The following CTNNA2 variants were observed in gnomAD, a reference collection of about 807,000 sequenced individuals.
CTNNA2 encodes the protein catenin alpha 2, also known as catenin alpha-2.
A neutral mutation model predicts 101.0 loss-of-function variants in CTNNA2; 42 were observed. The ratio of observed to expected loss-of-function variants is 0.42; its 90% CI spans 0.32 to 0.54. The LOEUF (loss-of-function observed/expected upper bound fraction) is 0.54. Ranked by LOEUF, CTNNA2 falls within the 20% of genes least tolerant of loss-of-function variation. The pLI is 0.14. For synonymous variants in CTNNA2, 450 were observed against 456.4 expected (o/e 0.99, Z 0.18); for missense variants, 871 against 1,223.1 (o/e 0.71, Z 4.29).
intron 5 of CTNNA2, among the ~76,000 whole-genome samples, chr2:79,873,025 C>G (rs535626061): frequency 6.6e-6 from 1 of 152,178 alleles, no homozygotes; most frequent in African/African-American, 2.4e-5. Context: ...AACAAATCAT[C>G]TTTGGCCTGT....
intron 3 of CTNNA2, among the ~76,000 whole-genome samples, chr2:79,316,520 T>C (rs1676502108): frequency 6.6e-6 from 1 of 152,076 alleles, no homozygotes; most frequent in South Asian, 2.1e-4. Context: ...AATTGGCATC[T>C]TAAAATATTA....
chr2:80,589,208 C>A, intron 14 of CTNNA2, 96 bp from the exon 15 acceptor site: 1 of 1,256,072 alleles, frequency 8.0e-7, no homozygotes. Context: ...TAAGCCTTTG[C>A]AGGGTCTGGC....
intron 4 of CTNNA2, among the ~76,000 whole-genome samples, chr2:79,860,546 G>GTTTTTTTTTTTTTTTTTTTTTTTT (rs56929879): frequency 9.3e-5 from 10 of 107,192 alleles, no homozygotes; most frequent in African/African-American, 3.0e-4. Flanking sequence ...AGTAAGGGAA[G>GTTTTTTTTTTTTTTTTTTTTTTTT]TTTTTTTTTT....
chr2:80,626,620 A>C (rs1357097401), intron 18 of CTNNA2, among the ~76,000 whole-genome samples: 1 of 152,166 alleles, frequency 6.6e-6, no homozygotes, highest in Admixed American at 6.6e-5. Flanking sequence ...TAGATGAGCA[A>C]CCAAGACAGG....
intron 1 of CTNNA2, among the ~76,000 whole-genome samples, chr2:79,530,246 G>A (rs546173100): frequency 1.3e-5 from 2 of 152,202 alleles, no homozygotes; most frequent in Admixed American, 1.3e-4. Flanking sequence ...TGTAACTCTT[G>A]TGGGTTTAGT....
At chr2:79,876,812 A>G (rs1046791304) in intron 6 of CTNNA2, among the ~76,000 whole-genome samples, 1 of 152,200 alleles carries the variant, frequency 6.6e-6, no homozygotes, top group Non-Finnish European at 1.5e-5. Flanking sequence ...CAACATGTTG[A>G]ATGTTCAAGG....
intron 9 of CTNNA2, among the ~76,000 whole-genome samples, chr2:80,486,978 A>G (rs1247999442): frequency 6.6e-6 from 1 of 152,110 alleles, no homozygotes; most frequent in Non-Finnish European, 1.5e-5. Flanking sequence ...GCTCTGACAT[A>G]TTGCTTTTAA....
At chr2:79,948,827 G>C (rs544741146) in intron 7 of CTNNA2, among the ~76,000 whole-genome samples, 6 of 152,236 alleles carry the variant, frequency 3.9e-5, no homozygotes, top group Non-Finnish European at 8.8e-5. Context: ...AAATAGCCGG[G>C]CGTGGTGACG....
chr2:79,676,906 C>T (rs1039314470), intron 2 of CTNNA2, among the ~76,000 whole-genome samples: 1 of 152,074 alleles, frequency 6.6e-6, no homozygotes, highest in Non-Finnish European at 1.5e-5. Flanking sequence ...ATACAGGTTC[C>T]CTCCACCTTT....
intron 7 of CTNNA2, among the ~76,000 whole-genome samples, chr2:80,115,583 G>A (rs112401790): frequency 0.014 from 2,115 of 152,124 alleles, 44 homozygotes; most frequent in African/African-American, 0.045. Context: ...GCATGGTAAC[G>A]AGAGAGAGAG....
intron 7 of CTNNA2, among the ~76,000 whole-genome samples, chr2:80,125,853 C>T (rs888238128): frequency 3.9e-5 from 6 of 152,176 alleles, no homozygotes; most frequent in Non-Finnish European, 8.8e-5. Context: ...TATCCACACA[C>T]AGGCCAATAA....
chr2:79,493,716 T>C (rs559214936), intron 4 of CTNNA2: 3 of 152,264 alleles, frequency 2.0e-5, no homozygotes, highest in Non-Finnish European at 4.4e-5. Context: ...CTGCTTATGT[T>C]ACTTCAGCAA....
chr2:79,382,770 C>T (rs535403345), intron 4 of CTNNA2, among the ~76,000 whole-genome samples: 9 of 152,206 alleles, frequency 5.9e-5, no homozygotes, highest in Admixed American at 3.3e-4. Flanking sequence ...CCCAACACCA[C>T]GCCCGGCTAA....
At chr2:79,495,436 T>C (rs1263219626) in intron 4 of CTNNA2, among the ~76,000 whole-genome samples, 3 of 152,148 alleles carry the variant, frequency 2.0e-5, no homozygotes, top group Non-Finnish European at 4.4e-5. Context: ...ATCACACCTA[T>C]TAGGATGGCT....
At chr2:79,883,730 T>C (rs1235143051) in intron 6 of CTNNA2, among the ~76,000 whole-genome samples, 1 of 152,196 alleles carries the variant, frequency 6.6e-6, no homozygotes, top group Non-Finnish European at 1.5e-5. Flanking sequence ...GAGTATACCA[T>C]ATCTTGTTTT....
intron 2 of CTNNA2, among the ~76,000 whole-genome samples, chr2:79,675,016 A>T (rs1683089550): frequency 6.6e-6 from 1 of 152,230 alleles, no homozygotes; most frequent in Admixed American, 6.5e-5. Context: ...TGTATGGAAC[A>T]GTAGTTGTTA....
intron 6 of CTNNA2, among the ~76,000 whole-genome samples, chr2:79,901,477 T>C (rs13394754): frequency 0.056 from 8,519 of 152,180 alleles, 755 homozygotes; most frequent in African/African-American, 0.19. Flanking sequence ...ACAGGACTTT[T>C]TCATACCACT....
At chr2:80,109,856 A>T (rs770426463) in intron 7 of CTNNA2, among the ~76,000 whole-genome samples, 1 of 150,834 alleles carries the variant, frequency 6.6e-6, no homozygotes, top group Non-Finnish European at 1.5e-5. Flanking sequence ...TTCCTCCACC[A>T]GTTCTCGTCA....
chr2:79,477,168 C>CTTTTTTTTTTTTTTTTTT (rs5832392), intron 4 of CTNNA2, among the ~76,000 whole-genome samples: 75 of 123,132 alleles, frequency 6.1e-4, no homozygotes, highest in African/African-American at 6.6e-4. Flanking sequence ...TCTTTTTTTT[C>CTTTTTTTTTTTTTTTTTT]TTTTTTTTTT....
Sources: gnomAD v4.1 joint callset for allele counts (sites outside exome capture counted in the v4.1 genomes callset) on GRCh38, gnomAD v4.1.1 for gene constraint, MANE v1.5 for transcripts, NCBI Gene and HGNC (gene_info 2026-07-23, HGNC 2026-07-21) for gene names.